AMOTL1: variants seen among roughly 807,000 people sequenced by gnomAD.
AMOTL1 encodes the protein angiomotin like 1, also known as angiomotin-like protein 1.
AMOTL1 carries 45 observed loss-of-function variants against 102.9 expected under a neutral mutation model. That is an observed-to-expected ratio of 0.44 (90% confidence interval 0.34 to 0.56). The LOEUF is 0.56. Among genes scored for constraint, AMOTL1 ranks in the 20% least tolerant of loss-of-function variants. The pLI is 0.01. For missense variants in AMOTL1, 1,114 were observed against 1,225.6 expected (o/e 0.91, Z 1.36); for synonymous variants, 481 against 484.7 (o/e 0.99, Z 0.10).
chr11:94,789,219 C>T (rs998577496), intron 1 of AMOTL1, among the ~76,000 whole-genome samples: 7 of 152,122 alleles, frequency 4.6e-5, no homozygotes, highest in African/African-American at 1.2e-4. Context: ...AGTGCAGTGG[C>T]GCAGTCTTGG....
At chr11:94,746,742 C>T (rs889781573) in intron 3 of AMOTL1, among the ~76,000 whole-genome samples, 1 of 151,962 alleles carries the variant, frequency 6.6e-6, no homozygotes. Context: ...CATGTGGACC[C>T]AAGCATCAAT....
At chr11:94,820,253 GCT>G (rs148440737) in intron 3 of AMOTL1, 31,697 of 152,196 alleles carry the variant, frequency 0.21, 4,212 homozygotes, top group East Asian at 0.46. Context: ...ACTACTCTGA[GCT>G]CTCCTCAGTT....
chr11:94,754,955 A>G (rs1328220230), intron 3 of AMOTL1, among the ~76,000 whole-genome samples: 2 of 152,192 alleles, frequency 1.3e-5, no homozygotes, highest in African/African-American at 4.8e-5. Context: ...TGTGGGAGCA[A>G]CATCTGGGGA....
chr11:94,876,207 T>C lies in AMOTL1; in HGVS notation c.*5412T>C, dbSNP rs1460630377. On this transcript the variant is annotated 3_prime_UTR_variant, in exon 13 of 13. Coordinates refer to ENST00000433060, the MANE Select transcript of AMOTL1 (RefSeq NM_130847.3). ...AGCAAATATATCCACATTGGTTTTA[T>C]TTGAATCAAGGTGTTTTTTTGTTTT... 1.3e-5 allele frequency: 2 copies of C among 152,668 alleles called. No individual in the cohort carries two copies. Among genetic ancestry groups the C allele is most frequent in the African/African-American group, 4.8e-5 (2 of 41,456 alleles). The allele number at this position is 152,668 out of a possible 1,614,324, so 9.5% of individuals were successfully genotyped here. A position where few individuals can be genotyped will look rare whatever the true frequency, so the allele number is the denominator to read the frequency against.
intron 4 of AMOTL1, among the ~76,000 whole-genome samples, chr11:94,829,325 C>T (rs1235452531): frequency 1.3e-5 from 2 of 151,376 alleles, no homozygotes; most frequent in African/African-American, 4.9e-5. Context: ...CAGGCTCAAG[C>T]GATCCTTCCA....
At chr11:94,769,473 C>A (rs2135512987) in intron 1 of AMOTL1, among the ~76,000 whole-genome samples, 1 of 152,326 alleles carries the variant, frequency 6.6e-6, no homozygotes, top group East Asian at 1.9e-4. Context: ...TCCAAGTTTC[C>A]CCCCTCAGAG....
rs1216492903 is a variant in AMOTL1 at position 94,842,825 on chromosome 11, T to TCCCCCTTCC, written c.1649-7288_1649-7287insCCCCTTCCC. Among the ~76,000 whole-genome samples, 6 of 152,288 alleles carry TCCCCCTTCC rather than the reference T, an allele frequency of 3.9e-5. No individual in the cohort carries two copies. In the East Asian group the frequency reaches 1.2e-3, roughly 29 times the overall value. The stretch of plus-strand genomic sequence containing the variant: ...TCCCACTTGGCCCCAATGTCCCTTC[T>TCCCCCTTCC]CTCCCTTCCCTCCCTTCCCTGTCCC... On this transcript the variant is annotated intron_variant, in intron 6 of 12. Coordinates refer to ENST00000433060, the MANE Select transcript of AMOTL1 (RefSeq NM_130847.3).
chr11:94,759,820 T>C lies in AMOTL1; in HGVS notation c.136+18832T>C, dbSNP rs1950770189. ...CAACATAGAAAACTGGATTATGATC[T>C]TTCTTCTTGTACAATATCATGTGCC... On this transcript the variant is annotated intron_variant, in intron 3 of 4. Transcript: ENST00000299004. 2.6e-5 allele frequency among the ~76,000 whole-genome samples: 4 copies of C among 152,250 alleles called. 1 individual carries two copies. The South Asian group carries it at 8.3e-4, about 32-fold the overall frequency.
At chr11:94,860,321 T>C (rs1360401048) in intron 9 of AMOTL1, among the ~76,000 whole-genome samples, 1 of 152,222 alleles carries the variant, frequency 6.6e-6, no homozygotes. Flanking sequence ...GTGTGTCAAA[T>C]GGAGATCTGC....
intron 3 of AMOTL1, among the ~76,000 whole-genome samples, chr11:94,762,691 A>T (rs1006878133): frequency 1.6e-4 from 24 of 152,218 alleles, no homozygotes; most frequent in Admixed American, 1.2e-3. Context: ...CGGGTCTGAC[A>T]CCAGTTTGTT....
intron 1 of AMOTL1, among the ~76,000 whole-genome samples, chr11:94,715,830 T>C (rs2135435051): frequency 6.6e-6 from 1 of 152,264 alleles, no homozygotes; most frequent in South Asian, 2.1e-4. Flanking sequence ...TAATGTGTCT[T>C]AGTGTGGATT....
intron 6 of AMOTL1, among the ~76,000 whole-genome samples, chr11:94,848,346 A>C (rs1174054038): frequency 6.6e-6 from 1 of 152,128 alleles, no homozygotes. Context: ...GGGTCACTGC[A>C]GTGGGGCATA....
At chr11:94,779,826 C>T (rs1230961524) in intron 1 of AMOTL1, among the ~76,000 whole-genome samples, 3 of 150,588 alleles carry the variant, frequency 2.0e-5, no homozygotes, top group Non-Finnish European at 3.0e-5. Flanking sequence ...GAAAATATTA[C>T]ACATTATATA....
chr11:94,859,740 T>G (rs1442032249), intron 9 of AMOTL1, 25 bp downstream of exon 9: 1 of 1,570,040 alleles, frequency 6.4e-7, no homozygotes, highest in East Asian at 2.3e-5. Flanking sequence ...ACTCTGGTGG[T>G]CATAAAAGCA....
chr11:94,853,235 A>C (rs1952583779), intron 7 of AMOTL1, among the ~76,000 whole-genome samples: 1 of 152,146 alleles, frequency 6.6e-6, no homozygotes, highest in African/African-American at 2.4e-5. Flanking sequence ...TGCACCTACC[A>C]ACCCATCATC....
At chr11:94,736,600 G>T (rs2851577) in intron 2 of AMOTL1, among the ~76,000 whole-genome samples, 6 of 152,046 alleles carry the variant, frequency 3.9e-5, no homozygotes, top group East Asian at 1.9e-4. Context: ...CACTGTGCCT[G>T]GTCTGTCTCA....
At chr11:94,711,663 A>G (rs1444282086) in intron 1 of AMOTL1, among the ~76,000 whole-genome samples, 3 of 152,152 alleles carry the variant, frequency 2.0e-5, no homozygotes, top group Non-Finnish European at 4.4e-5. Context: ...TTTTATTTCA[A>G]GAATGTTATA....
intron 7 of AMOTL1, 72 bp from the exon 8 acceptor site, chr11:94,853,861 C>G: frequency 1.9e-6 from 3 of 1,542,004 alleles, no homozygotes; most frequent in Non-Finnish European, 2.6e-6. Context: ...TAATCTGACC[C>G]CACCTCCTCC....
intron 9 of AMOTL1, among the ~76,000 whole-genome samples, chr11:94,863,314 G>A (rs568434896): frequency 4.0e-5 from 6 of 151,844 alleles, no homozygotes; most frequent in East Asian, 1.9e-4. Context: ...GTTTTCAGGC[G>A]GGGCGCGGTG....
Sources: allele counts gnomAD v4.1 joint callset (sites outside exome capture counted in the v4.1 genomes callset), GRCh38; gene constraint gnomAD v4.1.1; transcripts MANE v1.5; gene names NCBI Gene and HGNC (gene_info 2026-07-23, HGNC 2026-07-21).